Variants in ZNF469 observed in about 807,000 individuals in gnomAD.
ZNF469 encodes the protein zinc finger protein 469.
A neutral mutation model predicts 1.0 loss-of-function variants in ZNF469; 1 was observed. The observed-to-expected ratio is 1.00, with a 90% confidence interval of 0.35 to 4.73. The LOEUF is 4.73. ZNF469 is among the 30% of genes most tolerant of loss of function. The pLI is 0.16. For synonymous variants in ZNF469, 2,703 were observed against 2,363.4 expected (o/e 1.14, Z -4.17); for missense variants, 6,100 against 5,356.3 (o/e 1.14, Z -4.33).
Position 88,382,968 on chromosome 16 carries a change from G to C in ZNF469, c.-478G>C, listed in dbSNP as rs1207104443. Among the ~76,000 whole-genome samples the C allele has an allele frequency of 6.6e-6, 1 of 151,772 alleles. No individual in the cohort carries two copies. The highest frequency in any genetic ancestry group is 2.4e-5 in the African/African-American group (1 of 41,392). ...CCAGCCTCCGGGGGGCAGACCCCGCGGCCGCCGGCCGGCGTCCGGCCTTCC... is the reference window on the plus strand; with the variant it reads ...CCAGCCTCCGGGGGGCAGACCCCGCCGCCGCCGGCCGGCGTCCGGCCTTCC... On this transcript the variant is annotated 5_prime_UTR_variant, in exon 1 of 3. Transcript: ENST00000565624.
the ZNF469 span, among the ~76,000 whole-genome samples, chr16:88,352,241 T>C: frequency 5.9e-5 from 9 of 152,204 alleles, no homozygotes; most frequent in African/African-American, 2.2e-4. Flanking sequence ...GCCACCAAAC[T>C]GCCACCGAAC....
chr16:88,398,696 G>C (rs1202315577), intron 1 of ZNF469, among the ~76,000 whole-genome samples: 1 of 85,384 alleles, frequency 1.2e-5, no homozygotes, highest in Non-Finnish European at 2.3e-5. Flanking sequence ...CAGGTGGAAA[G>C]GGCATGTGAG....
In ZNF469 at chr16:88,438,054, G is replaced by A; in HGVS notation, c.10584G>A (p.Glu3528=). The change falls in exon 3 of 3, where the codon GAG becomes GAA. Residue 3528 remains glutamate, a synonymous_variant. Transcript: ENST00000565624. ...CCAAGGGATGGCCCGAGACCCTAGA[G>A]AGGCCTGTAGACCCCGTGACCCACC... The part of the protein sequence containing the change: ...STTKGWPETL[E]RPVDPVTHPI... 6.5e-7 allele frequency: 1 copy of A among 1,550,374 alleles called. No individual in the cohort carries two copies.
chr16:88,197,858 C>A, the ZNF469 span, among the ~76,000 whole-genome samples: 20 of 152,360 alleles, frequency 1.3e-4, no homozygotes, highest in African/African-American at 4.1e-4. Context: ...CACAGCATGG[C>A]AACCAGCTCC....
At chr16:88,125,026 A>T in the ZNF469 span, among the ~76,000 whole-genome samples, 4 of 152,172 alleles carry the variant, frequency 2.6e-5, no homozygotes, top group African/African-American at 7.2e-5. Context: ...AAGCTTTTAT[A>T]ATTAGATCTA....
the ZNF469 span, among the ~76,000 whole-genome samples, chr16:88,376,679 A>G: frequency 6.6e-6 from 1 of 152,256 alleles, no homozygotes; most frequent in Non-Finnish European, 1.5e-5. Context: ...TGGAGAGAGC[A>G]GCTGCCCACG....
Position 88,430,672 on chromosome 16 carries a change from C to A in ZNF469, c.3202C>A (p.Arg1068=). The A allele has an allele frequency of 6.7e-7, 1 of 1,494,246 alleles. No homozygotes were observed. Among genetic ancestry groups the A allele is most frequent in the Non-Finnish European group, 8.9e-7 (1 of 1,128,960 alleles). 92.6% of individuals were successfully genotyped at this position (1,494,246 alleles called of 1,614,324 possible). The part of the protein sequence containing the change: ...KNRRHRRLGR[R]AGRCGSLAAG... ...CAGGCGCCACCGGCGGCTGGGGCGGCGGGCGGGCAGGTGCGGCTCCCTGGC... is the reference window on the plus strand; with the variant it reads ...CAGGCGCCACCGGCGGCTGGGGCGGAGGGCGGGCAGGTGCGGCTCCCTGGC... Residue 1068 remains arginine (R), a synonymous_variant, in exon 3 of 3, where the codon CGG becomes AGG. Coordinates refer to ENST00000565624, the MANE Select transcript of ZNF469 (RefSeq NM_001367624.2).
chr16:88,421,062 C>A (rs941063774), intron 1 of ZNF469, among the ~76,000 whole-genome samples: 4 of 151,914 alleles, frequency 2.6e-5, no homozygotes, highest in African/African-American at 9.7e-5. Flanking sequence ...GAGAACCTGG[C>A]TCTCGAGGGT....
chr16:88,174,841 G>A, the ZNF469 span, among the ~76,000 whole-genome samples: 1 of 152,168 alleles, frequency 6.6e-6, no homozygotes, highest in East Asian at 1.9e-4. Context: ...CTGGTCAACA[G>A]TAGGCTATTC....
Position 88,403,643 on chromosome 16 carries a change from C to T in ZNF469, c.-192+20389C>T, listed in dbSNP as rs917790728. Among the ~76,000 whole-genome samples the T allele has an allele frequency of 3.3e-5, 5 of 152,338 alleles. No individual in the cohort carries two copies. The South Asian group carries it at 8.3e-4, about 25-fold the overall frequency. Reference sequence around the variant, plus strand: ...GACAGGGAGCAGGGCCTCCTGCCCTCGGCCCCCACAGTTTGTACCATTTGT... The same window carrying T: ...GACAGGGAGCAGGGCCTCCTGCCCTTGGCCCCCACAGTTTGTACCATTTGT... On this transcript the variant is annotated intron_variant, in intron 1 of 2. Coordinates refer to ENST00000565624, the MANE Select transcript of ZNF469 (RefSeq NM_001367624.2).
Position 88,431,041 on chromosome 16 carries a change from T to C in ZNF469, c.3571T>C (p.Cys1191Arg). Residue 1191 changes from cysteine to arginine, a missense_variant, in exon 3 of 3, where the codon TGT becomes CGT. By Grantham distance (180) the Cys-to-Arg change is radical (BLOSUM62 -3). Transcript: ENST00000565624. ...GGCCGCCAGGGAGGGAGGCCCCAAG[T>C]GTGCTGATCGCCCCTCAGTGGCCCC... ...GAAAREGGPK[C>R]ADRPSVAPKD... The C allele has an allele frequency of 6.5e-7, 1 of 1,546,782 alleles. No individual in the cohort carries two copies. The highest frequency in any genetic ancestry group is 8.7e-7 in the Non-Finnish European group (1 of 1,146,522).
chr16:88,229,698 G>C, the ZNF469 span, among the ~76,000 whole-genome samples: 12 of 151,578 alleles, frequency 7.9e-5, no homozygotes, highest in African/African-American at 2.4e-4. Flanking sequence ...ACGTGTGGAT[G>C]TCACACGTGT....
At chr16:88,248,441 G>A in the ZNF469 span, among the ~76,000 whole-genome samples, 26,784 of 152,054 alleles carry the variant, frequency 0.18, 2,565 homozygotes, top group East Asian at 0.39. Context: ...GCCAGGCACA[G>A]TGGCTCATGC....
chr16:88,372,451 A>G, the ZNF469 span, among the ~76,000 whole-genome samples: 2 of 150,600 alleles, frequency 1.3e-5, no homozygotes, highest in African/African-American at 2.5e-5. Flanking sequence ...CATCACCATC[A>G]TCACCATCAC....
At chr16:88,273,033 G>T in the ZNF469 span, among the ~76,000 whole-genome samples, 1 of 151,010 alleles carries the variant, frequency 6.6e-6, no homozygotes, top group Non-Finnish European at 1.5e-5. Context: ...TGAATGGGTG[G>T]GTGTGTGGAT....
chr16:88,274,038 C>T, the ZNF469 span, among the ~76,000 whole-genome samples: 7 of 152,120 alleles, frequency 4.6e-5, no homozygotes, highest in African/African-American at 7.2e-5. Context: ...CTCCTGACCT[C>T]GTGATCCGCC....
chr16:88,405,958 G>A (rs1201197642), intron 1 of ZNF469, among the ~76,000 whole-genome samples: 1 of 152,258 alleles, frequency 6.6e-6, no homozygotes, highest in African/African-American at 2.4e-5. Context: ...CTTGGCAGCT[G>A]GTGAGCGCTA....
chr16:88,400,801 T>G (rs1297234677), intron 1 of ZNF469, among the ~76,000 whole-genome samples: 1 of 151,676 alleles, frequency 6.6e-6, no homozygotes, highest in Non-Finnish European at 1.5e-5. Context: ...ATGGGCAGAA[T>G]CTCTTCAGAT....
the ZNF469 span, among the ~76,000 whole-genome samples, chr16:88,261,137 A>T: frequency 1.3e-5 from 2 of 152,106 alleles, no homozygotes; most frequent in East Asian, 1.9e-4. This position sits in a 1 kb window ranked among gnomAD's most constrained non-coding sequence, Gnocchi z 6.0. Flanking sequence ...GCAATCAGCG[A>T]TCTCACGCAT....
Sources: allele counts gnomAD v4.1 joint callset (sites outside exome capture counted in the v4.1 genomes callset), GRCh38; gene constraint gnomAD v4.1.1; non-coding constraint Gnocchi (gnomAD v3.1); transcripts MANE v1.5; gene names NCBI Gene and HGNC (gene_info 2026-07-23, HGNC 2026-07-21).